Variants in OPCML observed in about 807,000 individuals in gnomAD.
OPCML encodes opioid binding protein/cell adhesion molecule like, also known as opioid-binding protein/cell adhesion molecule.
In OPCML, 13 loss-of-function variants were observed where a neutral mutation model predicts 37.8. The observed-to-expected ratio is 0.34, with a 90% CI of 0.22 to 0.55. The LOEUF is 0.55. OPCML is among the 20% of genes least tolerant of loss of function. The pLI is 0.91. For missense variants in OPCML, 341 were observed against 435.6 expected, an observed-to-expected ratio of 0.78 and a Z score of 1.93; for synonymous variants, 176 against 168.8, an observed-to-expected ratio of 1.04 and a Z score of -0.33.
chr11:133,176,910 C>A (rs889032626), intron 1 of OPCML, among the ~76,000 whole-genome samples: 1 of 152,220 alleles, frequency 6.6e-6, no homozygotes, highest in Non-Finnish European at 1.5e-5. Flanking sequence ...ACTTGGCCAA[C>A]TTTCAGCAGA....
At chr11:133,156,944 C>G (rs1054763588) in intron 1 of OPCML, among the ~76,000 whole-genome samples, 5 of 152,114 alleles carry the variant, frequency 3.3e-5, no homozygotes, top group African/African-American at 1.2e-4. Flanking sequence ...CAAACCCCCT[C>G]AGCAGCACTC....
chr11:133,399,930 C>T (rs1374659996), intron 1 of OPCML, among the ~76,000 whole-genome samples: 3 of 151,470 alleles, frequency 2.0e-5, no homozygotes, highest in East Asian at 1.9e-4. Context: ...TGCATGCACA[C>T]GTCTGTTGCA....
intron 2 of OPCML, among the ~76,000 whole-genome samples, chr11:132,804,259 A>G (rs1353910327): frequency 6.6e-6 from 1 of 152,174 alleles, no homozygotes; most frequent in Non-Finnish European, 1.5e-5. Context: ...TCCCAACCAC[A>G]TTGCATGAAG....
intron 1 of OPCML, among the ~76,000 whole-genome samples, chr11:133,022,253 G>A (rs541754201): frequency 3.3e-5 from 5 of 152,278 alleles, no homozygotes; most frequent in East Asian, 3.9e-4. Context: ...AATAACCTAT[G>A]AGTCCCGATG....
At chr11:133,241,505 G>A (rs1565524560) in intron 1 of OPCML, among the ~76,000 whole-genome samples, 1 of 152,194 alleles carries the variant, frequency 6.6e-6, no homozygotes, top group African/African-American at 2.4e-5. Context: ...ATGTAGGCAT[G>A]TTTTATCGTC....
intron 1 of OPCML, chr11:133,025,042 G>T (rs1351527178): frequency 1.0e-6 from 1 of 967,862 alleles, no homozygotes; most frequent in Non-Finnish European, 1.2e-6. Context: ...AACACTTCTA[G>T]GCTGATGTGC....
chr11:133,401,423 G>C (rs1945403727), intron 1 of OPCML, among the ~76,000 whole-genome samples: 1 of 152,086 alleles, frequency 6.6e-6, no homozygotes, highest in South Asian at 2.1e-4. Flanking sequence ...TAAAAGGCCT[G>C]TGAAATGAAC....
At chr11:132,428,528 G>A (rs1592159276) in intron 7 of OPCML, among the ~76,000 whole-genome samples, 1 of 152,264 alleles carries the variant, frequency 6.6e-6, no homozygotes, top group East Asian at 1.9e-4. Flanking sequence ...TTTACATATG[G>A]GGCATCATTG....
At position 132,471,862 on chromosome 11, in the gene OPCML, C is replaced by T. The variant is rs1172715309; in HGVS notation, c.506-34503G>A. On this transcript the variant is annotated intron_variant, in intron 4 of 7. Coordinates refer to ENST00000524381, the MANE Select transcript of OPCML (RefSeq NM_001012393.5). ...AAGAGCCCATCCCATTCAATGAGAA[C>T]TCCAGCCCACATTGAAAGCAGGCTC... Among the ~76,000 whole-genome samples, 6 of 152,336 alleles carry T rather than the reference C, an allele frequency of 3.9e-5. No individual in the cohort carries two copies. The East Asian group carries it at 1.2e-3, about 29-fold the overall frequency.
At chr11:133,207,787 A>G (rs1462400512) in intron 1 of OPCML, among the ~76,000 whole-genome samples, 1 of 152,124 alleles carries the variant, frequency 6.6e-6, no homozygotes, top group African/African-American at 2.4e-5. Context: ...TTCTAGATAC[A>G]TTGCCGTCAC....
intron 1 of OPCML, chr11:133,006,526 A>G (rs767289989): frequency 9.9e-5 from 98 of 985,250 alleles, no homozygotes; most frequent in Non-Finnish European, 1.2e-4. Context: ...AGTTACCCCA[A>G]TTGTAACTAA....
intron 2 of OPCML, among the ~76,000 whole-genome samples, chr11:132,791,645 G>A (rs1937913779): frequency 6.6e-6 from 1 of 152,126 alleles, no homozygotes; most frequent in Non-Finnish European, 1.5e-5. Context: ...AAGTGAACAT[G>A]GAGTATATGT....
chr11:132,656,749 G>T (rs7116505), intron 3 of OPCML, among the ~76,000 whole-genome samples: 1 of 152,164 alleles, frequency 6.6e-6, no homozygotes, highest in African/African-American at 2.4e-5. Flanking sequence ...GAATTAAAAG[G>T]CACTGAGAGT....
chr11:132,884,654 G>C (rs1027468347), intron 2 of OPCML, among the ~76,000 whole-genome samples: 1 of 152,188 alleles, frequency 6.6e-6, no homozygotes, highest in African/African-American at 2.4e-5. Flanking sequence ...GAAAACTGTT[G>C]ACAGCTATTA....
intron 3 of OPCML, among the ~76,000 whole-genome samples, chr11:132,548,940 T>A (rs548001729): frequency 1.3e-5 from 2 of 152,326 alleles, no homozygotes; most frequent in East Asian, 1.9e-4. Flanking sequence ...CTCACTCCCA[T>A]GAACTTGATC....
At chr11:133,137,429 A>C (rs977212113) in intron 1 of OPCML, among the ~76,000 whole-genome samples, 3 of 152,200 alleles carry the variant, frequency 2.0e-5, no homozygotes, top group Non-Finnish European at 4.4e-5. Flanking sequence ...AAAGATGTTG[A>C]TATTACTTGC....
At chr11:133,401,880 A>T (rs549263092) in intron 1 of OPCML, among the ~76,000 whole-genome samples, 2 of 152,320 alleles carry the variant, frequency 1.3e-5, no homozygotes, top group South Asian at 4.2e-4. Flanking sequence ...AGTCCACTGA[A>T]GCTGGAGACA....
chr11:133,255,104 C>T (rs1444411916), intron 1 of OPCML, among the ~76,000 whole-genome samples: 2 of 152,144 alleles, frequency 1.3e-5, no homozygotes, highest in East Asian at 3.9e-4. Context: ...AGTTGCTGTG[C>T]CATCCGTACA....
intron 3 of OPCML, among the ~76,000 whole-genome samples, chr11:132,648,435 A>G (rs1941264022): frequency 1.3e-5 from 2 of 152,160 alleles, no homozygotes; most frequent in South Asian, 4.1e-4. Flanking sequence ...GATGATTTTG[A>G]GAACAGGCAT....
Sources: allele counts gnomAD v4.1 joint callset (sites outside exome capture counted in the v4.1 genomes callset), GRCh38; gene constraint gnomAD v4.1.1; transcripts MANE v1.5; gene names NCBI Gene and HGNC (gene_info 2026-07-23, HGNC 2026-07-21).